Variants in NKAIN1 observed in about 807,000 individuals in gnomAD.
NKAIN1 encodes sodium/potassium transporting ATPase interacting 1.
NKAIN1 carries 13 observed loss-of-function variants against 31.6 expected under a neutral mutation model. That is an observed-to-expected ratio of 0.41 (90% CI 0.27 to 0.65). The LOEUF is 0.65. Among genes scored for constraint, NKAIN1 ranks in the 30% least tolerant of loss-of-function variants. The pLI is 0.30. For missense variants in NKAIN1, 193 were observed against 262.2 expected, an observed-to-expected ratio of 0.74 and a Z score of 1.82; for synonymous variants, 104 against 109.0, an observed-to-expected ratio of 0.95 and a Z score of 0.28.
chr1:31,218,015 A>ATT (rs1372305719), intron 1 of NKAIN1, among the ~76,000 whole-genome samples: 43 of 66,268 alleles, frequency 6.5e-4, no homozygotes, highest in African/African-American at 1.5e-3. Flanking sequence ...AGCAGCTACC[A>ATT]TTTTCTTTCT....
chr1:31,206,919 G>C (rs919248288), intron 1 of NKAIN1, among the ~76,000 whole-genome samples: 2 of 152,088 alleles, frequency 1.3e-5, no homozygotes, highest in African/African-American at 2.4e-5. Flanking sequence ...TTTTTTTGTA[G>C]AGATGGGGTT....
chr1:31,188,066 G>A lies in NKAIN1; in HGVS notation c.176C>T (p.Ser59Phe), dbSNP rs1237052466. Residue 59 changes from serine to phenylalanine, a missense_variant, in exon 2 of 7, where the codon TCC becomes TTC. Coordinates refer to ENST00000373736, the MANE Select transcript of NKAIN1 (RefSeq NM_024522.3). ...LGIFGTVQYR[S>F]RYLILYAAWL... ...GAGCCGTACCAGGATGAGGTACCGG[G>A]AGCGGTACTGCACGGTGCCAAAGAT... 1 of 1,553,810 alleles carries A rather than the reference G, an allele frequency of 6.4e-7. No individual in the cohort carries two copies. Among genetic ancestry groups the A allele is most frequent in the Non-Finnish European group, 8.7e-7 (1 of 1,148,266 alleles).
chr1:31,212,398 G>GTTTCTTTC (rs1355912011), intron 1 of NKAIN1, among the ~76,000 whole-genome samples: 63 of 60,964 alleles, frequency 1.0e-3, no homozygotes, highest in East Asian at 4.5e-3. Context: ...TTAGGTAATA[G>GTTTCTTTC]TTTCTTTTTT....
chr1:31,217,991 T>C (rs559446778), intron 1 of NKAIN1, among the ~76,000 whole-genome samples: 3 of 150,670 alleles, frequency 2.0e-5, no homozygotes, highest in East Asian at 2.0e-4. Flanking sequence ...ATGATTTGTA[T>C]TGGCCATAAT....
intron 1 of NKAIN1, among the ~76,000 whole-genome samples, chr1:31,200,956 C>G (rs7529636): frequency 1.3e-5 from 2 of 152,122 alleles, no homozygotes; most frequent in African/African-American, 4.8e-5. Context: ...CCTCAGCCTC[C>G]TGAGTAGCTG....
rs1245362197 is a variant in NKAIN1, at chr1:31,233,774, G to A, written c.54+5720C>T. On this transcript the variant is annotated intron_variant, in intron 1 of 6. Coordinates refer to ENST00000373736, the MANE Select transcript of NKAIN1 (RefSeq NM_024522.3). The surrounding 1 kb of genome is among the most constrained non-coding windows in gnomAD (Gnocchi z 4.0). ...AGAGCACTTTCCTAGGCCAGGGACC[G>A]TACTTGGCTATCCCGGCATCAACTT... is the stretch of plus-strand genomic sequence containing the variant. 1.3e-5 allele frequency among the ~76,000 whole-genome samples: 2 copies of A among 152,176 alleles called. No individual in the cohort carries two copies. The highest frequency in any genetic ancestry group is 2.1e-4 in the South Asian group (1 of 4,822).
At chr1:31,196,729 T>G in intron 1 of NKAIN1, among the ~76,000 whole-genome samples, 1 of 79,726 alleles carries the variant, frequency 1.3e-5, no homozygotes, top group African/African-American at 3.0e-5. Flanking sequence ...AATAAATAAA[T>G]AAATAAATAA....
intron 1 of NKAIN1, among the ~76,000 whole-genome samples, chr1:31,194,224 G>A (rs2148352170): frequency 6.6e-6 from 1 of 152,198 alleles, no homozygotes; most frequent in South Asian, 2.1e-4. Flanking sequence ...TGACAGATGA[G>A]AACATGTCAC....
At chr1:31,183,716 G>A in intron 4 of NKAIN1, 101 bp downstream of exon 4, 1 of 1,269,108 alleles carries the variant, frequency 7.9e-7, no homozygotes, top group Non-Finnish European at 1.1e-6. Flanking sequence ...CCAAAGTGCT[G>A]GGATTGCAGG....
chr1:31,197,858 T>C (rs1006893696), intron 1 of NKAIN1, among the ~76,000 whole-genome samples: 4 of 152,064 alleles, frequency 2.6e-5, no homozygotes, highest in African/African-American at 9.7e-5. Flanking sequence ...TTTTTTACTT[T>C]TTATTTTTAT....
intron 1 of NKAIN1, among the ~76,000 whole-genome samples, chr1:31,208,731 C>A (rs148926964): frequency 2.5e-3 from 388 of 152,244 alleles, no homozygotes; most frequent in African/African-American, 8.2e-3. Flanking sequence ...ACTTTGAGAG[C>A]GGTCAGCCCT....
chr1:31,210,442 C>T (rs112554464), intron 1 of NKAIN1, among the ~76,000 whole-genome samples: 2 of 151,152 alleles, frequency 1.3e-5, no homozygotes, highest in East Asian at 3.9e-4. Flanking sequence ...GCACCCACCA[C>T]CACGCCCAGC....
intron 1 of NKAIN1, among the ~76,000 whole-genome samples, chr1:31,208,637 G>T (rs1481629834): frequency 1.0e-4 from 6 of 59,780 alleles, no homozygotes; most frequent in East Asian, 9.6e-4. Flanking sequence ...AGTGGGGGGA[G>T]GGGGCCCTGG....
In NKAIN1 at chr1:31,239,551, T is replaced by C; in HGVS notation, c.-4A>G. 29 of 1,252,212 alleles carry C rather than the reference T, an allele frequency of 2.3e-5. No homozygotes were observed. The highest frequency in any genetic ancestry group is 2.8e-5 in the Non-Finnish European group (28 of 999,220). The allele number at this position is 1,252,212 out of a possible 1,614,324, so 77.6% of individuals were successfully genotyped here. On this transcript the variant is annotated 5_prime_UTR_variant, in exon 1 of 7. Transcript: ENST00000373736. This position sits in a 1 kb window ranked among gnomAD's most constrained non-coding sequence, Gnocchi z 4.8. ...AGCGCCCGCTGCACTTGCCCATGGC[T>C]CCGGGGGCTGCGCGGGCCGCACGCC...
rs1267446505 is a variant in NKAIN1, at chr1:31,181,041, C to T, written c.*662G>A. The T allele has an allele frequency of 6.6e-6, 1 of 152,118 alleles. No homozygotes were observed. The highest frequency in any genetic ancestry group is 1.5e-5 in the Non-Finnish European group (1 of 68,024). 9.4% of individuals were successfully genotyped at this position (152,118 alleles called of 1,614,324 possible). A position where few individuals can be genotyped will look rare whatever the true frequency, so the allele number is the denominator to read the frequency against. On this transcript the variant is annotated 3_prime_UTR_variant, in exon 7 of 7. Coordinates refer to ENST00000373736, the MANE Select transcript of NKAIN1 (RefSeq NM_024522.3). Reference sequence around the variant, plus strand: ...TTCCACCAAAAATCTAGCTGTGTGGCCTCAAGCAAATCACATCTCTGGGCC... The same window carrying T: ...TTCCACCAAAAATCTAGCTGTGTGGTCTCAAGCAAATCACATCTCTGGGCC...
chr1:31,229,898 G>C (rs557280193), intron 1 of NKAIN1, among the ~76,000 whole-genome samples: 4 of 152,326 alleles, frequency 2.6e-5, no homozygotes, highest in East Asian at 3.9e-4. Flanking sequence ...GAGCAAGAGA[G>C]AGGCCCAAAG....
At chr1:31,201,959 G>A (rs1645383570) in intron 1 of NKAIN1, among the ~76,000 whole-genome samples, 1 of 152,198 alleles carries the variant, frequency 6.6e-6, no homozygotes, top group African/African-American at 2.4e-5. Flanking sequence ...CTGCCTGTCT[G>A]CACGCCCTCC....
At chr1:31,220,003 A>ACTTTTTTTTTTTTTT (rs138578415) in intron 1 of NKAIN1, among the ~76,000 whole-genome samples, 2 of 127,784 alleles carry the variant, frequency 1.6e-5, no homozygotes, top group Non-Finnish European at 1.6e-5. Context: ...GAACACTCAG[A>ACTTTTTTTTTTTTTT]TTTTTTTTTT....
chr1:31,222,026 C>T (rs1277827255), intron 1 of NKAIN1, among the ~76,000 whole-genome samples: 2 of 152,050 alleles, frequency 1.3e-5, no homozygotes, highest in Admixed American at 1.3e-4. Flanking sequence ...TTACAGGCGC[C>T]CACCACCACA....
Sources: allele counts gnomAD v4.1 joint callset (sites outside exome capture counted in the v4.1 genomes callset), GRCh38; gene constraint gnomAD v4.1.1; non-coding constraint Gnocchi (gnomAD v3.1); transcripts MANE v1.5; gene names NCBI Gene and HGNC (gene_info 2026-07-23, HGNC 2026-07-21).